Variants in EYS observed in about 807,000 individuals in gnomAD.
EYS encodes the protein protein eyes shut homolog.
Under a neutral mutation model 282.1 loss-of-function variants are expected in EYS, and 250 were observed. The observed-to-expected ratio is 0.89, with a 90% CI of 0.80 to 0.98. EYS has a LOEUF of 0.98. Among genes scored for constraint, EYS ranks in the 50% least tolerant of loss-of-function variants. EYS has a pLI of 0.00. For missense variants in EYS, 4,016 were observed against 3,709.0 expected (o/e 1.08, Z -2.15); for synonymous variants, 1,355 against 1,282.9 (o/e 1.06, Z -1.20).
intron 31 of EYS, among the ~76,000 whole-genome samples, chr6:64,223,859 T>C (rs1232330829): frequency 6.6e-6 from 1 of 152,064 alleles, no homozygotes; most frequent in Non-Finnish European, 1.5e-5. Flanking sequence ...TACTTCCCAG[T>C]GTGCATGCAT....
intron 13 of EYS, among the ~76,000 whole-genome samples, chr6:65,051,057 C>T (rs372903214): frequency 2.0e-5 from 3 of 151,652 alleles, no homozygotes; most frequent in African/African-American, 7.2e-5. Flanking sequence ...TTTGCTCAAA[C>T]ATTATTTTCA....
At chr6:63,741,170 A>G (rs1769066334) in intron 41 of EYS, among the ~76,000 whole-genome samples, 1 of 152,224 alleles carries the variant, frequency 6.6e-6, no homozygotes, top group African/African-American at 2.4e-5. Flanking sequence ...ATAACTAATA[A>G]TTCAAGTTAC....
chr6:64,926,348 C>T (rs1768516911), intron 15 of EYS, among the ~76,000 whole-genome samples: 1 of 152,184 alleles, frequency 6.6e-6, no homozygotes, highest in Non-Finnish European at 1.5e-5. Context: ...GGCAGGTTTC[C>T]ACATAGCTCC....
intron 1 of EYS, among the ~76,000 whole-genome samples, chr6:65,668,534 C>T (rs1046274585): frequency 2.0e-5 from 3 of 151,824 alleles, no homozygotes; most frequent in Admixed American, 1.3e-4. Context: ...GACTGTACAG[C>T]CAACAAAACA....
intron 29 of EYS, among the ~76,000 whole-genome samples, chr6:64,350,133 A>G (rs1332515314): frequency 6.6e-6 from 1 of 151,504 alleles, no homozygotes; most frequent in Non-Finnish European, 1.5e-5. Flanking sequence ...AAGTGTCTCT[A>G]CTCAGAGTCT....
At chr6:63,821,920 G>C (rs1158281023) in intron 36 of EYS, 1 of 152,212 alleles carries the variant, frequency 6.6e-6, no homozygotes, top group Non-Finnish European at 1.5e-5. Context: ...CAAACCCAGA[G>C]AGCAGTGAAG....
chr6:65,609,276 T>A (rs957748182), intron 2 of EYS, among the ~76,000 whole-genome samples: 1 of 150,856 alleles, frequency 6.6e-6, no homozygotes, highest in Non-Finnish European at 1.5e-5. Flanking sequence ...TTAGTATATG[T>A]GGTCCATCCT....
chr6:64,784,911 C>G (rs1773971155), intron 22 of EYS, among the ~76,000 whole-genome samples: 1 of 152,088 alleles, frequency 6.6e-6, no homozygotes, highest in South Asian at 2.1e-4. Context: ...GGCCCCTTTT[C>G]TGCCCTCTGA....
intron 2 of EYS, among the ~76,000 whole-genome samples, chr6:65,516,088 G>A (rs535693866): frequency 1.4e-4 from 22 of 151,806 alleles, no homozygotes; most frequent in African/African-American, 4.3e-4. Context: ...AAAAAGAAAA[G>A]AAGGAAGGAA....
chr6:63,778,143 A>G lies in EYS; in HGVS notation c.7761T>C (p.Asp2587=), dbSNP rs1372433925. ...GATTTCCCAGTCCTCTGAAATGGCCATCCTTCTCAGTGCGAACTTGAAGAG... is the reference window on the plus strand; with the variant it reads ...GATTTCCCAGTCCTCTGAAATGGCCGTCCTTCTCAGTGCGAACTTGAAGAG... ...IFTLQVRTEK[D]GHFRGLGNPE... Residue 2587 remains aspartate, a synonymous_variant, in exon 40 of 43, where the codon GAT becomes GAC. Transcript: ENST00000503581. 1.3e-6 allele frequency: 2 copies of G among 1,551,792 alleles called. No individual in the cohort carries two copies. Among genetic ancestry groups the G allele is most frequent in the Non-Finnish European group, 1.7e-6 (2 of 1,146,998 alleles).
chr6:63,737,037 G>A (rs1385056252), intron 41 of EYS, among the ~76,000 whole-genome samples: 7 of 150,936 alleles, frequency 4.6e-5, no homozygotes, highest in African/African-American at 9.8e-5. Flanking sequence ...CTGCAAACAG[G>A]GACAATTTGA....
chr6:64,862,648 C>T (rs1047800364), intron 19 of EYS, among the ~76,000 whole-genome samples: 2 of 152,026 alleles, frequency 1.3e-5, no homozygotes, highest in African/African-American at 2.4e-5. Context: ...ATTACTCCTC[C>T]TCTGTGCAAT....
At chr6:63,942,843 T>C (rs1445060198) in intron 35 of EYS, among the ~76,000 whole-genome samples, 1 of 152,178 alleles carries the variant, frequency 6.6e-6, no homozygotes, top group African/African-American at 2.4e-5. Flanking sequence ...ACAGCAACAC[T>C]CTTCTTCCTC....
chr6:64,950,573 T>A (rs942681391), intron 14 of EYS, among the ~76,000 whole-genome samples: 3 of 150,838 alleles, frequency 2.0e-5, no homozygotes, highest in South Asian at 2.1e-4. Context: ...CACAAGAAAA[T>A]CTTTTAGAGA....
chr6:64,555,724 C>A (rs1159783966), intron 26 of EYS, among the ~76,000 whole-genome samples: 2 of 151,688 alleles, frequency 1.3e-5, no homozygotes, highest in Non-Finnish European at 3.0e-5. Context: ...ATGATCAAAT[C>A]AGGGTAATTG....
chr6:65,448,895 T>C (rs900499141), intron 5 of EYS, among the ~76,000 whole-genome samples: 3 of 152,078 alleles, frequency 2.0e-5, no homozygotes, highest in African/African-American at 4.8e-5. Flanking sequence ...GTGTTCACAA[T>C]GTATGATTCT....
At chr6:65,259,159 A>C (rs2150256801) in intron 12 of EYS, among the ~76,000 whole-genome samples, 1 of 152,190 alleles carries the variant, frequency 6.6e-6, no homozygotes, top group South Asian at 2.1e-4. Context: ...TACCTATTGA[A>C]GTAAGTTGAG....
chr6:64,287,632 G>A (rs1400361644), intron 30 of EYS, among the ~76,000 whole-genome samples: 2 of 133,114 alleles, frequency 1.5e-5, no homozygotes, highest in Admixed American at 7.9e-5. Flanking sequence ...TAATGAGGCG[G>A]TATGGCCACC....
intron 11 of EYS, chr6:65,330,547 G>A (rs1209251868): frequency 1.0e-6 from 1 of 983,604 alleles, no homozygotes; most frequent in African/African-American, 1.8e-5. Flanking sequence ...AAAAAATGTG[G>A]TAATATGCAG....
Sources: gnomAD v4.1 joint callset for allele counts (sites outside exome capture counted in the v4.1 genomes callset) on GRCh38, gnomAD v4.1.1 for gene constraint, MANE v1.5 for transcripts, NCBI Gene and HGNC (gene_info 2026-07-23, HGNC 2026-07-21) for gene names.